The following GATAD2A variants were observed in gnomAD, a reference collection of about 807,000 sequenced individuals.
The protein encoded by GATAD2A is GATA zinc finger domain containing 2A.
In GATAD2A, 12 loss-of-function variants were observed where a neutral mutation model predicts 68.5. The ratio of observed to expected loss-of-function variants is 0.18; its 90% CI spans 0.11 to 0.28. The LOEUF (loss-of-function observed/expected upper bound fraction) is 0.28. Ranked by LOEUF, GATAD2A falls within the 10% of genes least tolerant of loss-of-function variation. The probability of loss-of-function intolerance (pLI) is 1.00; values close to 1 mark genes in which losing one functional copy is unlikely to be tolerated. For missense variants in GATAD2A, 755 were observed against 868.5 expected, an observed-to-expected ratio of 0.87 and a Z score of 1.64; for synonymous variants, 410 against 375.3, an observed-to-expected ratio of 1.09 and a Z score of -1.07.
At chr19:19,438,308 T>C (rs1185973929) in intron 1 of GATAD2A, among the ~76,000 whole-genome samples, 1 of 152,142 alleles carries the variant, frequency 6.6e-6, no homozygotes, top group Non-Finnish European at 1.5e-5. Flanking sequence ...TGCAGTGGTG[T>C]GTTCATGGCT....
intron 1 of GATAD2A, chr19:19,440,480 G>A (rs772687379): frequency 1.3e-5 from 3 of 239,974 alleles, no homozygotes; most frequent in Middle Eastern, 1.6e-3. Flanking sequence ...CCATGGTCTC[G>A]ATCTCCTCAC....
chr19:19,446,440 A>T (rs1190668106), intron 1 of GATAD2A, among the ~76,000 whole-genome samples: 1 of 149,222 alleles, frequency 6.7e-6, no homozygotes, highest in East Asian at 1.9e-4. Context: ...CTAGACCCTT[A>T]TCAGGTGTAT....
At chr19:19,467,918 C>T (rs1015056957) in intron 2 of GATAD2A, among the ~76,000 whole-genome samples, 33 of 152,216 alleles carry the variant, frequency 2.2e-4, no homozygotes, top group Non-Finnish European at 2.9e-4. Context: ...CGCTCCCTGT[C>T]GCTCTTTAAC....
chr19:19,443,988 C>G (rs1728882591), intron 1 of GATAD2A, among the ~76,000 whole-genome samples: 2 of 152,174 alleles, frequency 1.3e-5, no homozygotes, highest in Non-Finnish European at 2.9e-5. Flanking sequence ...CTCACAGCTA[C>G]TCTTCGTGGA....
At chr19:19,474,344 C>T (rs1000348384) in intron 2 of GATAD2A, among the ~76,000 whole-genome samples, 2 of 152,118 alleles carry the variant, frequency 1.3e-5, no homozygotes, top group African/African-American at 2.4e-5. Flanking sequence ...GAATTTAGGT[C>T]ACAAACTTTA....
chr19:19,425,081 C>T (rs891220847), intron 1 of GATAD2A, among the ~76,000 whole-genome samples: 1 of 147,630 alleles, frequency 6.8e-6, no homozygotes, highest in African/African-American at 2.5e-5. Flanking sequence ...AAAAAAAAAA[C>T]CCAAACTTGA....
In GATAD2A at chr19:19,505,556, C is replaced by A; in HGVS notation, c.*82C>A. On this transcript the variant is annotated 3_prime_UTR_variant, in exon 12 of 12. Coordinates refer to ENST00000683918, the MANE Select transcript of GATAD2A (RefSeq NM_001384528.1). ...TAGAAGGACCCACTGCACCACCCTCCGCTGGCTCGGGAAGACACCGTGCCC... is the reference window on the plus strand; with the variant it reads ...TAGAAGGACCCACTGCACCACCCTCAGCTGGCTCGGGAAGACACCGTGCCC... The A allele has an allele frequency of 7.7e-7, 1 of 1,293,640 alleles. No homozygotes were observed. Among genetic ancestry groups the A allele is most frequent in the Non-Finnish European group, 1.0e-6 (1 of 956,148 alleles). The allele number at this position is 1,293,640 out of a possible 1,614,324, so 80.1% of individuals were successfully genotyped here. A position where few individuals can be genotyped will look rare whatever the true frequency, so the allele number is the denominator to read the frequency against.
At chr19:19,391,533 C>G (rs2048845536) in intron 1 of GATAD2A, among the ~76,000 whole-genome samples, 1 of 152,072 alleles carries the variant, frequency 6.6e-6, no homozygotes, top group Admixed American at 6.6e-5. Flanking sequence ...GATCACTCTC[C>G]CCTTTAAAAT....
chr19:19,503,207 C>T (rs1160714730), intron 11 of GATAD2A, among the ~76,000 whole-genome samples: 1 of 152,186 alleles, frequency 6.6e-6, no homozygotes, highest in Non-Finnish European at 1.5e-5. Context: ...AAAAGGTGGT[C>T]AGGAAGGGCC....
intron 1 of GATAD2A, among the ~76,000 whole-genome samples, chr19:19,434,298 T>C (rs1023570191): frequency 1.3e-5 from 2 of 152,154 alleles, no homozygotes; most frequent in African/African-American, 2.4e-5. Flanking sequence ...AGGTCTTGGA[T>C]TGGCAGATAC....
At chr19:19,461,227 T>A (rs1205466706) in intron 1 of GATAD2A, among the ~76,000 whole-genome samples, 1 of 152,220 alleles carries the variant, frequency 6.6e-6, no homozygotes, top group Non-Finnish European at 1.5e-5. Flanking sequence ...CTGTCTGAAA[T>A]AAGGGTGTTA....
intron 2 of GATAD2A, among the ~76,000 whole-genome samples, chr19:19,486,595 G>C (rs532568854): frequency 1.3e-5 from 2 of 152,204 alleles, no homozygotes; most frequent in African/African-American, 4.8e-5. Context: ...TTCCTTCTCC[G>C]AGGTGGGAAT....
intron 1 of GATAD2A, chr19:19,458,514 A>G (rs578023261): frequency 1.3e-5 from 2 of 152,338 alleles, no homozygotes; most frequent in East Asian, 3.9e-4. Flanking sequence ...ATGAAGATGA[A>G]TGGTGAAAAA....
chr19:19,465,781 T>G (rs1458984418), intron 2 of GATAD2A, among the ~76,000 whole-genome samples, 167 bp downstream of exon 2: 1 of 152,236 alleles, frequency 6.6e-6, no homozygotes, highest in Non-Finnish European at 1.5e-5. Flanking sequence ...TGTGCTGTTG[T>G]GGCCATTCCA....
At chr19:19,418,714 G>T (rs1380845617) in intron 1 of GATAD2A, among the ~76,000 whole-genome samples, 1 of 152,168 alleles carries the variant, frequency 6.6e-6, no homozygotes, top group African/African-American at 2.4e-5. Flanking sequence ...CTGGTTTTAG[G>T]AAGTTTCCTT....
chr19:19,399,656 G>T (rs1420708802), intron 1 of GATAD2A, among the ~76,000 whole-genome samples: 1 of 152,154 alleles, frequency 6.6e-6, no homozygotes, highest in African/African-American at 2.4e-5. Context: ...GCATGTGAGA[G>T]GGCATGGTTG....
At chr19:19,495,659 G>T (rs2060099926) in intron 5 of GATAD2A, 95 bp from the exon 6 acceptor site, 307 of 822,258 alleles carry the variant, frequency 3.7e-4, no homozygotes, top group Non-Finnish European at 4.9e-4. Flanking sequence ...AAAAAAACTA[G>T]TATGTACTTT....
chr19:19,499,227 C>A (rs183890851), intron 8 of GATAD2A, among the ~76,000 whole-genome samples: 2 of 152,304 alleles, frequency 1.3e-5, no homozygotes, highest in Non-Finnish European at 2.9e-5. Flanking sequence ...AAAAAGACAT[C>A]TACGGGGTGA....
intron 2 of GATAD2A, among the ~76,000 whole-genome samples, chr19:19,475,873 G>T (rs930233911): frequency 1.3e-5 from 2 of 152,112 alleles, no homozygotes; most frequent in African/African-American, 4.8e-5. Context: ...GTACTTCTAA[G>T]AATCGTTAGA....
Sources: gnomAD v4.1 joint callset for allele counts (sites outside exome capture counted in the v4.1 genomes callset) on GRCh38, gnomAD v4.1.1 for gene constraint, MANE v1.5 for transcripts, NCBI Gene and HGNC (gene_info 2026-07-23, HGNC 2026-07-21) for gene names.